The following PDE7A variants were observed in gnomAD, a reference collection of about 807,000 sequenced individuals.
PDE7A encodes high affinity 3',5'-cyclic-AMP phosphodiesterase 7A.
In PDE7A, 39 loss-of-function variants were observed where a neutral mutation model predicts 64.3. That is an observed-to-expected ratio of 0.61 (90% CI 0.47 to 0.79). PDE7A has a LOEUF of 0.79. PDE7A is among the 30% of genes least tolerant of loss of function. The probability of loss-of-function intolerance (pLI) is 0.00; values close to 1 mark genes in which losing one functional copy is unlikely to be tolerated. For synonymous variants in PDE7A, 203 were observed against 206.8 expected (o/e 0.98, Z 0.16); for missense variants, 470 against 582.8 (o/e 0.81, Z 1.99).
At chr8:65,831,414 T>G (rs574765696) in intron 1 of PDE7A, among the ~76,000 whole-genome samples, 2 of 152,150 alleles carry the variant, frequency 1.3e-5, no homozygotes, top group Admixed American at 6.6e-5. Flanking sequence ...ACTAAAACAG[T>G]AGGAATACTT....
chr8:65,771,854 A>AG, intron 3 of PDE7A, among the ~76,000 whole-genome samples: 1 of 148,854 alleles, frequency 6.7e-6, no homozygotes. Context: ...CAGCCTGGGC[A>AG]ACAGATCGAG....
At chr8:65,737,469 T>A (rs2128899415) in intron 6 of PDE7A, among the ~76,000 whole-genome samples, 1 of 152,332 alleles carries the variant, frequency 6.6e-6, no homozygotes, top group East Asian at 1.9e-4. Context: ...TTTACCTAGA[T>A]AAAGCAGTTG....
At chr8:65,841,041 A>G (rs1034043047) in intron 1 of PDE7A, among the ~76,000 whole-genome samples, 9 of 152,234 alleles carry the variant, frequency 5.9e-5, no homozygotes, top group Non-Finnish European at 1.0e-4. Flanking sequence ...GGCCACGACT[A>G]AGGAATAAAG....
intron 1 of PDE7A, chr8:65,788,747 C>G: frequency 1.8e-6 from 1 of 551,074 alleles, no homozygotes; most frequent in Non-Finnish European, 3.2e-6. Context: ...CTTTGGTCGA[C>G]AGATGAAACT....
Position 65,718,937 on chromosome 8 carries a change from A to C in PDE7A, c.*353T>G, listed in dbSNP as rs1236183185. ...TGTTGCATCAGACTGGTTAAATTCC[A>C]AGAGATTGTTGCTGAACAATTCAAG... On this transcript the variant is annotated 3_prime_UTR_variant, in exon 13 of 13. Coordinates refer to ENST00000401827, the MANE Select transcript of PDE7A (RefSeq NM_001242318.3). The C allele has an allele frequency of 3.5e-6, 1 of 284,636 alleles. No individual in the cohort carries two copies. The highest frequency in any genetic ancestry group is 6.8e-6 in the Non-Finnish European group (1 of 146,908). The allele number at this position is 284,636 out of a possible 1,614,324, so 17.6% of individuals were successfully genotyped here.
intron 1 of PDE7A, among the ~76,000 whole-genome samples, chr8:65,785,816 G>C (rs1809538519): frequency 7.0e-6 from 1 of 143,380 alleles, no homozygotes; most frequent in South Asian, 2.1e-4. Flanking sequence ...TTTAGGAGGG[G>C]AGTTGACATT....
At chr8:65,790,439 G>A (rs1809669566) in intron 1 of PDE7A, among the ~76,000 whole-genome samples, 1 of 152,150 alleles carries the variant, frequency 6.6e-6, no homozygotes, top group South Asian at 2.1e-4. Flanking sequence ...ACACTCAGGA[G>A]GTGACTGCAG....
At chr8:65,727,027 C>G in intron 8 of PDE7A, 61 bp from the exon 9 acceptor site, 1 of 1,022,028 alleles carries the variant, frequency 9.8e-7, no homozygotes, top group East Asian at 2.4e-5. Flanking sequence ...CATATCATTA[C>G]TAACAATACT....
At chr8:65,837,923 G>A (rs1434745128) in intron 1 of PDE7A, among the ~76,000 whole-genome samples, 3 of 151,856 alleles carry the variant, frequency 2.0e-5, no homozygotes, top group African/African-American at 7.3e-5. Context: ...TGGATTTTCA[G>A]ACTAGGGCTG....
chr8:65,753,882 T>TA (rs1808087551), intron 3 of PDE7A, among the ~76,000 whole-genome samples: 1 of 152,196 alleles, frequency 6.6e-6, no homozygotes, highest in African/African-American at 2.4e-5. Flanking sequence ...TTTTATCTCA[T>TA]AACCTTTTTT....
intron 6 of PDE7A, among the ~76,000 whole-genome samples, chr8:65,736,615 G>T (rs1434071862): frequency 6.6e-6 from 1 of 151,788 alleles, no homozygotes; most frequent in Admixed American, 6.6e-5. Context: ...GTCTGGTGTG[G>T]TGGTGCACAC....
At chr8:65,772,391 C>A (rs1330475986) in intron 3 of PDE7A, among the ~76,000 whole-genome samples, 2 of 152,180 alleles carry the variant, frequency 1.3e-5, no homozygotes, top group African/African-American at 4.8e-5. Flanking sequence ...TTCAGTACCT[C>A]TGAAGGTTTA....
chr8:65,757,601 T>TTTTTGTTTTG (rs368448878), intron 3 of PDE7A, among the ~76,000 whole-genome samples: 1 of 148,674 alleles, frequency 6.7e-6, no homozygotes, highest in Admixed American at 6.9e-5. Context: ...CAAGACTTTG[T>TTTTTGTTTTG]TTTTGTTTTG....
chr8:65,740,212 C>T (rs755274977), intron 5 of PDE7A, among the ~76,000 whole-genome samples: 11 of 152,116 alleles, frequency 7.2e-5, no homozygotes, highest in South Asian at 2.1e-4. Context: ...CAGAATATCG[C>T]TACAAACTCG....
At chr8:65,807,530 G>C (rs967378134) in intron 1 of PDE7A, among the ~76,000 whole-genome samples, 2 of 151,516 alleles carry the variant, frequency 1.3e-5, no homozygotes, top group Admixed American at 1.3e-4. Context: ...TATTTTTCTT[G>C]CCTAACTGAC....
intron 3 of PDE7A, among the ~76,000 whole-genome samples, chr8:65,762,850 A>G (rs1306833552): frequency 6.6e-6 from 1 of 152,162 alleles, no homozygotes; most frequent in African/African-American, 2.4e-5. Flanking sequence ...TAAAACAAGT[A>G]TATTGGCCAA....
intron 1 of PDE7A, among the ~76,000 whole-genome samples, chr8:65,811,989 T>C (rs1810268273): frequency 1.3e-5 from 2 of 152,018 alleles, no homozygotes. Flanking sequence ...AGTGGATCAG[T>C]TGAGCCCAGG....
chr8:65,761,098 G>A (rs920471483), intron 3 of PDE7A, among the ~76,000 whole-genome samples: 1 of 150,914 alleles, frequency 6.6e-6, no homozygotes, highest in Non-Finnish European at 1.5e-5. Context: ...CTCGCCCTGT[G>A]GCGTAGGCTA....
rs150214153 is a variant in PDE7A at position 65,723,948 on chromosome 8, T to C, written c.1162+307A>G. 6.4e-4 allele frequency among the ~76,000 whole-genome samples: 98 copies of C among 152,290 alleles called. 1 individual carries two copies. The East Asian group carries it at 0.017, about 26-fold the overall frequency. On this transcript the variant is annotated intron_variant, in intron 11 of 12. Coordinates refer to ENST00000401827, the MANE Select transcript of PDE7A (RefSeq NM_001242318.3). ...CACACACAAAAGTTTTACATGTTCA[T>C]ATGGCCCTCCACACACGACAAGGAT...
Sources: gnomAD v4.1 joint callset for allele counts (sites outside exome capture counted in the v4.1 genomes callset) on GRCh38, gnomAD v4.1.1 for gene constraint, MANE v1.5 for transcripts, NCBI Gene and HGNC (gene_info 2026-07-23, HGNC 2026-07-21) for gene names.